Variants in ERC1 observed in about 807,000 individuals in gnomAD.
ERC1 encodes the protein RAB6 interacting protein 2.
In ERC1, 56 loss-of-function variants were observed where a neutral mutation model predicts 132.0. The observed-to-expected ratio is 0.42, with a 90% CI of 0.34 to 0.53. The LOEUF is 0.53. Among genes scored for constraint, ERC1 ranks in the 20% least tolerant of loss-of-function variants. The pLI is 0.03. For missense variants in ERC1, 1,202 were observed against 1,349.9 expected, an observed-to-expected ratio of 0.89 and a Z score of 1.72; for synonymous variants, 478 against 476.1, an observed-to-expected ratio of 1.00 and a Z score of -0.05.
At chr12:1,255,209 T>C (rs2076716206) in intron 13 of ERC1, among the ~76,000 whole-genome samples, 1 of 152,080 alleles carries the variant, frequency 6.6e-6, no homozygotes, top group Non-Finnish European at 1.5e-5. Context: ...GGTTTTCTGT[T>C]CTTGTGTTAG....
At chr12:1,340,625 T>C (rs1379806008) in intron 15 of ERC1, among the ~76,000 whole-genome samples, 1 of 152,132 alleles carries the variant, frequency 6.6e-6, no homozygotes, top group Non-Finnish European at 1.5e-5. Context: ...GTTCCCAGCA[T>C]CCTCCCCTTT....
intron 18 of ERC1, among the ~76,000 whole-genome samples, chr12:1,483,668 C>CTTTTTTTTTTTTTTTTTTTTTTTT (rs35596394): frequency 3.6e-5 from 2 of 55,190 alleles, no homozygotes; most frequent in African/African-American, 5.6e-5. Flanking sequence ...CCACTGAGAG[C>CTTTTTTTTTTTTTTTTTTTTTTTT]TTTTTTTTTT....
rs918761654 is a variant in ERC1 at position 1,296,039 on chromosome 12, C to T, written c.2780+6027C>T. 3.8e-4 allele frequency among the ~76,000 whole-genome samples: 56 copies of T among 147,790 alleles called. 1 individual carries two copies. The highest frequency in any genetic ancestry group is 1.3e-3 in the African/African-American group (54 of 40,302). On this transcript the variant is annotated intron_variant, in intron 15 of 18. Coordinates refer to ENST00000360905, the MANE Select transcript of ERC1 (RefSeq NM_178040.4). ...AAAAAAAAAAAAACAACTAAATTCA[C>T]CCTTATACATTAAAGAATTAAAGAA...
At chr12:1,387,139 T>C (rs1476236760) in intron 16 of ERC1, among the ~76,000 whole-genome samples, 1 of 152,232 alleles carries the variant, frequency 6.6e-6, no homozygotes, top group African/African-American at 2.4e-5. Context: ...TTGTTTTCTG[T>C]TTCGCATATT....
chr12:1,273,401 G>A (rs1042302676), intron 14 of ERC1, among the ~76,000 whole-genome samples: 4 of 152,172 alleles, frequency 2.6e-5, no homozygotes, highest in African/African-American at 7.2e-5. Context: ...AGAAGGACTT[G>A]AAATCTAAAC....
intron 3 of ERC1, among the ~76,000 whole-genome samples, chr12:1,096,439 C>T (rs1055714835): frequency 6.6e-6 from 1 of 152,132 alleles, no homozygotes; most frequent in Non-Finnish European, 1.5e-5. Context: ...AGATTGTTTA[C>T]AGTTAGCAGA....
At chr12:1,033,646 T>A (rs139799556) in intron 2 of ERC1, among the ~76,000 whole-genome samples, 1 of 152,160 alleles carries the variant, frequency 6.6e-6, no homozygotes, top group African/African-American at 2.4e-5. Flanking sequence ...GTATTTTTTT[T>A]TTTGAGACGG....
chr12:1,237,937 A>G (rs1323243622), intron 13 of ERC1, among the ~76,000 whole-genome samples: 1 of 152,230 alleles, frequency 6.6e-6, no homozygotes, highest in Admixed American at 6.5e-5. Flanking sequence ...TGTAGAAGCC[A>G]TTCTGAGGCT....
intron 1 of ERC1, among the ~76,000 whole-genome samples, chr12:1,018,359 T>TGTG (rs2154143598): frequency 6.6e-6 from 1 of 152,206 alleles, no homozygotes; most frequent in South Asian, 2.1e-4. Context: ...GGAGTACAGG[T>TGTG]GTGCGCCACC....
chr12:1,243,707 A>G (rs2075981130), intron 13 of ERC1, among the ~76,000 whole-genome samples: 1 of 152,144 alleles, frequency 6.6e-6, no homozygotes, highest in African/African-American at 2.4e-5. Flanking sequence ...GAGGGGTGCT[A>G]CCGGCATCTA....
chr12:1,104,815 T>G lies in ERC1; in HGVS notation c.1152T>G (p.Ile384Met), dbSNP rs1332683577. ...AAACAAAAGCTCTGCAAACTGTTAT[T>G]GAGATGAAGGTAAGTGAGAATCTAG... ...SAKTKALQTVIEMKDSKISSM... is the reference protein window; with the variant it reads ...SAKTKALQTVMEMKDSKISSM... Residue 384 changes from isoleucine (I) to methionine (M), a missense_variant, in exon 4 of 19, where the codon ATT (isoleucine) becomes ATG (methionine). Ile to Met is a conservative substitution (Grantham distance 10). Transcript: ENST00000360905. 6.2e-7 allele frequency: 1 copy of G among 1,610,210 alleles called. No homozygotes were observed. Among genetic ancestry groups the G allele is most frequent in the Admixed American group, 1.7e-5 (1 of 60,004 alleles).
intron 1 of ERC1, among the ~76,000 whole-genome samples, chr12:995,932 G>C (rs10849612): frequency 0.42 from 64,313 of 151,914 alleles, 16,769 homozygotes; most frequent in East Asian, 0.79. Context: ...AGGAGGGAAC[G>C]GTCAGCGGTG....
chr12:1,415,554 A>G (rs181020087), intron 17 of ERC1, among the ~76,000 whole-genome samples: 21 of 152,354 alleles, frequency 1.4e-4, no homozygotes, highest in African/African-American at 4.8e-4. Flanking sequence ...AGTTGGAAAC[A>G]TCCTAAAATT....
At chr12:1,001,076 G>C (rs903250873) in intron 1 of ERC1, among the ~76,000 whole-genome samples, 1 of 151,922 alleles carries the variant, frequency 6.6e-6, no homozygotes, top group Non-Finnish European at 1.5e-5. Context: ...GCTAATTTTT[G>C]TTTTTAGTAG....
At chr12:1,153,623 A>G (rs541155957) in intron 8 of ERC1, among the ~76,000 whole-genome samples, 2 of 152,342 alleles carry the variant, frequency 1.3e-5, no homozygotes, top group African/African-American at 4.8e-5. Flanking sequence ...TGAGCCTGAA[A>G]AGACAAACAT....
At chr12:1,218,839 C>CT (rs1958680210) in intron 12 of ERC1, among the ~76,000 whole-genome samples, 2 of 143,314 alleles carry the variant, frequency 1.4e-5, no homozygotes. Context: ...TATATACACA[C>CT]ACACACACAC....
At chr12:1,010,424 G>A (rs1964484451) in intron 1 of ERC1, among the ~76,000 whole-genome samples, 1 of 148,094 alleles carries the variant, frequency 6.8e-6, no homozygotes, top group Non-Finnish European at 1.5e-5. Flanking sequence ...AGGTTGCAGT[G>A]AGCCGAGATC....
chr12:1,470,282 G>A (rs1457089904), intron 18 of ERC1, among the ~76,000 whole-genome samples: 2 of 152,056 alleles, frequency 1.3e-5, no homozygotes, highest in Admixed American at 6.5e-5. Flanking sequence ...TGGCTGGGGG[G>A]AAACTTCCTT....
chr12:1,118,314 A>G (rs1166185423), intron 7 of ERC1, among the ~76,000 whole-genome samples: 2 of 152,208 alleles, frequency 1.3e-5, no homozygotes, highest in Non-Finnish European at 1.5e-5. Context: ...TCACAGTCTA[A>G]TAAATGACTT....
Sources: allele counts gnomAD v4.1 joint callset (sites outside exome capture counted in the v4.1 genomes callset), GRCh38; gene constraint gnomAD v4.1.1; transcripts MANE v1.5; gene names NCBI Gene and HGNC (gene_info 2026-07-23, HGNC 2026-07-21).